The following FAM193A variants were observed in gnomAD, a reference collection of about 807,000 sequenced individuals.
The protein encoded by FAM193A is family with sequence similarity 193 member A.
In FAM193A, 22 loss-of-function variants were observed where a neutral mutation model predicts 126.5. The ratio of observed to expected loss-of-function variants is 0.17; its 90% confidence interval spans 0.12 to 0.25. The LOEUF is 0.25. Ranked by LOEUF, FAM193A falls within the 10% of genes least tolerant of loss-of-function variation. FAM193A has a pLI of 1.00. For synonymous variants in FAM193A, 761 were observed against 646.8 expected, an observed-to-expected ratio of 1.18 and a Z score of -2.68; for missense variants, 1,675 against 1,672.8, an observed-to-expected ratio of 1.00 and a Z score of -0.02.
intron 2 of FAM193A, among the ~76,000 whole-genome samples, chr4:2,624,975 A>C (rs139484287): frequency 8.1e-4 from 123 of 152,286 alleles, no homozygotes; most frequent in African/African-American, 2.8e-3. Context: ...CTGTCACCTC[A>C]GCCTCCTGGG....
At chr4:2,685,075 T>G (rs114384525) in intron 13 of FAM193A, among the ~76,000 whole-genome samples, 200 of 152,226 alleles carry the variant, frequency 1.3e-3, no homozygotes, top group African/African-American at 4.7e-3. Context: ...TGTGAAACAG[T>G]TGGTGTACTA....
intron 12 of FAM193A, among the ~76,000 whole-genome samples, chr4:2,670,024 G>A (rs1381737223): frequency 6.6e-6 from 1 of 152,126 alleles, no homozygotes; most frequent in Non-Finnish European, 1.5e-5. Context: ...GAGTGTCCAG[G>A]TGTTATTTGG....
Position 2,611,592 on chromosome 4 carries a change from C to T in FAM193A, c.502-13670C>T, listed in dbSNP as rs117738730. Among the ~76,000 whole-genome samples the T allele has an allele frequency of 4.0e-4, 60 of 151,664 alleles. No homozygotes were observed. The East Asian group carries it at 5.7e-3, about 14-fold the overall frequency. ...CCCGGCTTAATCTGCATTTTCTTAACGACTTGTTGAGCATCTTTTCATGTA... is the reference window on the plus strand; with the variant it reads ...CCCGGCTTAATCTGCATTTTCTTAATGACTTGTTGAGCATCTTTTCATGTA... On this transcript the variant is annotated intron_variant, in intron 2 of 20. Transcript: ENST00000637812.
chr4:2,675,723 G>C (rs757688147), intron 13 of FAM193A, among the ~76,000 whole-genome samples: 1 of 152,142 alleles, frequency 6.6e-6, no homozygotes, highest in Non-Finnish European at 1.5e-5. Flanking sequence ...TGATAATGTT[G>C]TGCAGCCATC....
chr4:2,631,313 A>AAACAGGT, intron 5 of FAM193A, 144 bp downstream of exon 5: 1 of 687,958 alleles, frequency 1.5e-6, no homozygotes, highest in Non-Finnish European at 2.4e-6. Flanking sequence ...ACGGGAGAGG[A>AAACAGGT]CCTGTTTCCT....
intron 1 of FAM193A, among the ~76,000 whole-genome samples, chr4:2,584,655 G>C (rs181924080): frequency 6.6e-6 from 1 of 152,056 alleles, no homozygotes; most frequent in Non-Finnish European, 1.5e-5. Context: ...GGCAGGGTGC[G>C]GTGGCTCAAG....
At chr4:2,727,301 G>T (rs1157196177) in intron 20 of FAM193A, among the ~76,000 whole-genome samples, 1 of 152,156 alleles carries the variant, frequency 6.6e-6, no homozygotes, top group African/African-American at 2.4e-5. Flanking sequence ...TTAAACTGGT[G>T]CATGAAGGTG....
At chr4:2,644,304 G>C (rs1744921359) in intron 6 of FAM193A, among the ~76,000 whole-genome samples, 1 of 152,130 alleles carries the variant, frequency 6.6e-6, no homozygotes, top group East Asian at 1.9e-4. Flanking sequence ...TCCAGGAGGA[G>C]CGGGACAAGG....
chr4:2,677,611 C>T (rs1714564562), intron 13 of FAM193A, among the ~76,000 whole-genome samples: 3 of 151,666 alleles, frequency 2.0e-5, no homozygotes, highest in South Asian at 2.1e-4. Flanking sequence ...CGTGGTGGCA[C>T]GTGCCTGTAG....
intron 7 of FAM193A, among the ~76,000 whole-genome samples, chr4:2,648,645 C>T (rs1745370304): frequency 6.6e-6 from 1 of 152,236 alleles, no homozygotes; most frequent in South Asian, 2.1e-4. Flanking sequence ...AGGCCTGGAG[C>T]ATCCCAGGGG....
chr4:2,722,456 G>C (rs979765770), intron 20 of FAM193A, among the ~76,000 whole-genome samples: 2 of 152,198 alleles, frequency 1.3e-5, no homozygotes, highest in Non-Finnish European at 2.9e-5. Flanking sequence ...TGATGTTCTT[G>C]AGCATTCTAT....
chr4:2,565,086 C>A lies in FAM193A; in HGVS notation c.255+27916C>A, dbSNP rs140431393. On this transcript the variant is annotated intron_variant, in intron 1 of 20. Transcript: ENST00000637812. ...AGTACTGGGGGAGTATAGGAGTGAGCCACTGCACCTGGCTACGTGGGTATT... is the reference window on the plus strand; with the variant it reads ...AGTACTGGGGGAGTATAGGAGTGAGACACTGCACCTGGCTACGTGGGTATT... Among the ~76,000 whole-genome samples, 9 of 152,098 alleles carry A rather than the reference C, an allele frequency of 5.9e-5. No homozygotes were observed. In the East Asian group the frequency reaches 1.7e-3, roughly 29 times the overall value.
chr4:2,631,272 C>T, intron 5 of FAM193A, 103 bp downstream of exon 5: 7 of 1,011,246 alleles, frequency 6.9e-6, no homozygotes, highest in Non-Finnish European at 1.0e-5. Flanking sequence ...GCTGTCACAC[C>T]CCCACACACT....
At chr4:2,648,286 G>T (rs1188022698) in intron 7 of FAM193A, among the ~76,000 whole-genome samples, 1 of 152,130 alleles carries the variant, frequency 6.6e-6, no homozygotes, top group Non-Finnish European at 1.5e-5. Flanking sequence ...TAGGGCAGGT[G>T]GCCCTGAGAC....
chr4:2,693,799 C>T lies in FAM193A; in HGVS notation c.3017C>T (p.Thr1006Ile), dbSNP rs559412892. The change falls in exon 16 of 21, where the codon ACA (threonine) becomes ATA (isoleucine). Residue 1006 changes from threonine (T) to isoleucine (I), a missense_variant. Coordinates refer to ENST00000637812, the MANE Select transcript of FAM193A (RefSeq NM_001366318.2). Reference protein sequence around the residue: ...TATTTPGFVDTRKSFCPAPLP... With the variant: ...TATTTPGFVDIRKSFCPAPLP... Reference sequence around the variant, plus strand: ...ACCACAACTCCTGGGTTTGTGGACACACGCAAGAGTTTCTGTCCTGCACCC... The same window carrying T: ...ACCACAACTCCTGGGTTTGTGGACATACGCAAGAGTTTCTGTCCTGCACCC... The T allele has an allele frequency of 2.5e-6, 4 of 1,614,252 alleles. No individual in the cohort carries two copies. The highest frequency in any genetic ancestry group is 1.7e-6 in the Non-Finnish European group (2 of 1,180,036).
chr4:2,731,216 A>AAC lies in FAM193A; in HGVS notation c.4455-558_4455-557insCA, dbSNP rs1295810131. ...CTTCTCAAAAAAAAAAAAAAAAAAAAAAAAAAAACCGGTGTGGTGGTACAT... is the reference window on the plus strand; with the variant it reads ...CTTCTCAAAAAAAAAAAAAAAAAAAAACAAAAAAAACCGGTGTGGTGGTACAT... On this transcript the variant is annotated intron_variant, in intron 20 of 20. Coordinates refer to ENST00000637812, the MANE Select transcript of FAM193A (RefSeq NM_001366318.2). 2.6e-3 allele frequency among the ~76,000 whole-genome samples: 334 copies of AAC among 126,430 alleles called. 1 individual carries two copies. Among genetic ancestry groups the AAC allele is most frequent in the African/African-American group, 8.5e-3 (318 of 37,334 alleles). The allele number at this position is 126,430 out of a possible 152,430, so 82.9% of individuals were successfully genotyped here.
Position 2,689,640 on chromosome 4 carries a change from G to T in FAM193A, c.2466G>T (p.Trp822Cys). 1 of 1,574,234 alleles carries T rather than the reference G, an allele frequency of 6.4e-7. No homozygotes were observed. Among genetic ancestry groups the T allele is most frequent in the Admixed American group, 2.0e-5 (1 of 49,014 alleles). Residue 822 changes from tryptophan to cysteine, a missense_variant, in exon 14 of 21, where the codon TGG (tryptophan) becomes TGT (cysteine). Physicochemically the swap from Trp to Cys is radical, Grantham distance 215. This residue lies in a region of FAM193A where 1,186 missense variants were observed against 1,109.2 expected (regional missense o/e 1.07). Transcript: ENST00000637812. Reference sequence around the variant, plus strand: ...ATAGTTCTAAATTTATAAGTCTTTGGGGATCAGAAGTGATGAATGATAAGA... The same window carrying T: ...ATAGTTCTAAATTTATAAGTCTTTGTGGATCAGAAGTGATGAATGATAAGA... Reference protein sequence around the residue: ...EWNSSKFISLWGSEVMNDKNW... With the variant: ...EWNSSKFISLCGSEVMNDKNW...
intron 18 of FAM193A, among the ~76,000 whole-genome samples, chr4:2,698,039 C>G (rs1717237536): frequency 6.6e-6 from 1 of 152,212 alleles, no homozygotes; most frequent in Non-Finnish European, 1.5e-5. Context: ...TGCCCAGCAC[C>G]CAGTCCCACC....
intron 6 of FAM193A, among the ~76,000 whole-genome samples, chr4:2,645,424 A>G (rs145724317): frequency 0.013 from 2,008 of 152,196 alleles, 26 homozygotes; most frequent in Non-Finnish European, 0.021. Flanking sequence ...CAGTCTTTTC[A>G]GAAATCGAGG....
Sources: allele counts gnomAD v4.1 joint callset (sites outside exome capture counted in the v4.1 genomes callset), GRCh38; gene constraint gnomAD v4.1.1; regional missense constraint gnomAD v4.1.1; transcripts MANE v1.5; gene names NCBI Gene and HGNC (gene_info 2026-07-23, HGNC 2026-07-21).